DLGAP2: variants seen among roughly 807,000 people sequenced by gnomAD.
The protein encoded by DLGAP2 is DLG associated protein 2.
Under a neutral mutation model 100.3 loss-of-function variants are expected in DLGAP2, and 26 were observed. The ratio of observed to expected loss-of-function variants is 0.26; its 90% CI spans 0.19 to 0.36. The LOEUF is 0.36. DLGAP2 is among the 10% of genes least tolerant of loss of function. DLGAP2 has a pLI of 1.00. For missense variants in DLGAP2, 1,858 were observed against 1,453.2 expected (o/e 1.28, Z -4.53); for synonymous variants, 886 against 630.1 (o/e 1.41, Z -6.08).
intron 2 of DLGAP2, among the ~76,000 whole-genome samples, chr8:961,075 G>T (rs889600046): frequency 2.6e-5 from 4 of 152,208 alleles, no homozygotes; most frequent in African/African-American, 9.7e-5. Context: ...CTCTCATGTT[G>T]CCTGTGAACG....
chr8:1,573,320 T>A (rs1584943415), intron 6 of DLGAP2, among the ~76,000 whole-genome samples: 1 of 86,616 alleles, frequency 1.2e-5, no homozygotes, highest in Non-Finnish European at 2.2e-5. Context: ...GGGTGAACTG[T>A]GGGGGCATCT....
intron 2 of DLGAP2, among the ~76,000 whole-genome samples, chr8:1,157,352 C>A (rs1293184984): frequency 6.6e-6 from 1 of 152,162 alleles, no homozygotes; most frequent in Non-Finnish European, 1.5e-5. Flanking sequence ...GACGACGGCC[C>A]TCAGGGAGTT....
At chr8:1,230,690 C>G (rs182415578) in intron 2 of DLGAP2, among the ~76,000 whole-genome samples, 15 of 152,212 alleles carry the variant, frequency 9.9e-5, no homozygotes, top group East Asian at 5.8e-4. Flanking sequence ...ATATACAACC[C>G]AGAAATGAAC....
At chr8:961,810 GA>G (rs1182067022) in intron 2 of DLGAP2, among the ~76,000 whole-genome samples, 1 of 152,190 alleles carries the variant, frequency 6.6e-6, no homozygotes, top group Non-Finnish European at 1.5e-5. Context: ...TTCTCTGGTA[GA>G]AATAAGGGCA....
intron 4 of DLGAP2, among the ~76,000 whole-genome samples, chr8:1,543,805 A>G (rs189243926): frequency 1.3e-5 from 2 of 152,338 alleles, no homozygotes; most frequent in East Asian, 3.9e-4. Flanking sequence ...CTGCCAATCT[A>G]TGAACATAGG....
At chr8:1,241,183 C>CTGAT in intron 2 of DLGAP2, among the ~76,000 whole-genome samples, 2 of 21,186 alleles carry the variant, frequency 9.4e-5, no homozygotes, top group African/African-American at 1.7e-4. Flanking sequence ...GGCGCCGTGT[C>CTGAT]TCGTTCTCTC....
chr8:1,221,283 G>A (rs1798309408), intron 2 of DLGAP2, among the ~76,000 whole-genome samples: 2 of 152,168 alleles, frequency 1.3e-5, no homozygotes, highest in African/African-American at 4.8e-5. Flanking sequence ...CTCTTCGAAG[G>A]CAGGTCTGGT....
At chr8:1,460,142 G>A (rs149389040) in intron 3 of DLGAP2, among the ~76,000 whole-genome samples, 179 of 152,298 alleles carry the variant, frequency 1.2e-3, no homozygotes, top group Admixed American at 3.3e-3. Flanking sequence ...CCGGGCTTCT[G>A]TCCACACCAT....
At chr8:883,855 T>G (rs1421648136) in intron 1 of DLGAP2, among the ~76,000 whole-genome samples, 1 of 152,248 alleles carries the variant, frequency 6.6e-6, no homozygotes, top group African/African-American at 2.4e-5. Context: ...GTGTTCTCAT[T>G]GTTCATCTCC....
intron 3 of DLGAP2, among the ~76,000 whole-genome samples, chr8:1,389,501 T>G (rs1409010383): frequency 6.6e-6 from 1 of 152,108 alleles, no homozygotes; most frequent in Admixed American, 6.5e-5. Context: ...CTAAGGGCAC[T>G]CAGAGCTGGA....
intron 3 of DLGAP2, among the ~76,000 whole-genome samples, chr8:1,449,879 G>A (rs867785215): frequency 1.1e-4 from 11 of 102,710 alleles, no homozygotes; most frequent in South Asian, 8.6e-4. Context: ...GGGCGGCCTC[G>A]GTGGCTGAGG....
chr8:973,767 C>T (rs1231307688), intron 2 of DLGAP2, among the ~76,000 whole-genome samples: 3 of 152,082 alleles, frequency 2.0e-5, no homozygotes, highest in South Asian at 2.1e-4. Flanking sequence ...AATATACGCG[C>T]GGCTGAGCGG....
chr8:1,359,536 C>T (rs879436668), intron 3 of DLGAP2, among the ~76,000 whole-genome samples: 9 of 152,222 alleles, frequency 5.9e-5, no homozygotes, highest in Non-Finnish European at 1.2e-4. Context: ...GGGGACCACC[C>T]GAAGGCCTGG....
At chr8:902,548 C>A (rs566671679) in intron 1 of DLGAP2, among the ~76,000 whole-genome samples, 1 of 128,880 alleles carries the variant, frequency 7.8e-6, no homozygotes, top group East Asian at 2.3e-4. Flanking sequence ...CCTTGGGGAG[C>A]CGAGAATCAC....
Position 1,470,771 on chromosome 8 carries a change from C to T in DLGAP2, c.107-30595C>T, listed in dbSNP as rs539776734. 2.8e-3 allele frequency among the ~76,000 whole-genome samples: 256 copies of T among 90,478 alleles called. 23 individuals are homozygous for T. The highest frequency in any genetic ancestry group is 4.5e-3 in the Non-Finnish European group (168 of 36,946). 59.4% of individuals were successfully genotyped at this position (90,478 alleles called of 152,430 possible). On this transcript the variant is annotated intron_variant, in intron 3 of 14. Coordinates refer to ENST00000637795, the MANE Select transcript of DLGAP2 (RefSeq NM_001346810.2). ...TCCTTCCCCGACTCCTCCAGCCTTT[C>T]CCGACTCCCCCAGCCTTTCCCGACC...
At chr8:1,321,987 G>T (rs1476344) in intron 3 of DLGAP2, among the ~76,000 whole-genome samples, 2 of 152,002 alleles carry the variant, frequency 1.3e-5, no homozygotes, top group Admixed American at 6.6e-5. Flanking sequence ...GCCCTGAAGC[G>T]TGCTTAAATT....
chr8:1,415,041 A>AT (rs1240538023), intron 3 of DLGAP2, among the ~76,000 whole-genome samples: 1 of 152,108 alleles, frequency 6.6e-6, no homozygotes, highest in Non-Finnish European at 1.5e-5. Flanking sequence ...AAAATCAAGC[A>AT]TTTTGATCCC....
intron 2 of DLGAP2, among the ~76,000 whole-genome samples, chr8:1,202,701 C>T (rs1242871602): frequency 6.6e-6 from 1 of 152,132 alleles, no homozygotes; most frequent in Non-Finnish European, 1.5e-5. Context: ...GCCCCAGGAT[C>T]CCTACTGCCC....
chr8:1,464,063 A>G (rs1798536435), intron 3 of DLGAP2, among the ~76,000 whole-genome samples: 1 of 152,084 alleles, frequency 6.6e-6, no homozygotes, highest in Non-Finnish European at 1.5e-5. Context: ...GAATGTCGCA[A>G]CAGCCGCCTT....
Sources: gnomAD v4.1 joint callset for allele counts (sites outside exome capture counted in the v4.1 genomes callset) on GRCh38, gnomAD v4.1.1 for gene constraint, MANE v1.5 for transcripts, NCBI Gene and HGNC (gene_info 2026-07-23, HGNC 2026-07-21) for gene names.